The following CPAMD8 variants were observed in gnomAD, a reference collection of about 807,000 sequenced individuals.
CPAMD8 encodes the protein C3 and PZP-like alpha-2-macroglobulin domain-containing protein 8.
A neutral mutation model predicts 224.7 loss-of-function variants in CPAMD8; 146 were observed. That is an observed-to-expected ratio of 0.65 (90% CI 0.57 to 0.75). The LOEUF is 0.75. CPAMD8 is among the 30% of genes least tolerant of loss of function. The probability of loss-of-function intolerance (pLI) is 0.00; values close to 1 mark genes in which losing one functional copy is unlikely to be tolerated. For synonymous variants in CPAMD8, 966 were observed against 1,044.6 expected (o/e 0.92, Z 1.45); for missense variants, 2,301 against 2,537.5 (o/e 0.91, Z 2.00).
At chr19:17,005,158 A>G (rs1051414807) in intron 7 of CPAMD8, among the ~76,000 whole-genome samples, 1 of 146,736 alleles carries the variant, frequency 6.8e-6, no homozygotes, top group African/African-American at 2.5e-5. Context: ...TGCCCTCTAC[A>G]ATATAACAAC....
chr19:16,949,408 C>T (rs1212229461), intron 20 of CPAMD8, among the ~76,000 whole-genome samples: 1 of 152,108 alleles, frequency 6.6e-6, no homozygotes. Flanking sequence ...TTTTGGAAAC[C>T]GAGATCCTAT....
rs146822240 is a variant in CPAMD8, at chr19:16,941,865, C to T, written c.2794-3419G>A. The stretch of plus-strand genomic sequence containing the variant: ...GCAGGTGCCTGCAATCCCAGCTATT[C>T]GGGAGGCTGAGGCAGGAGACTCGCT... On this transcript the variant is annotated intron_variant, in intron 22 of 41. Transcript: ENST00000443236. Among the ~76,000 whole-genome samples the T allele has an allele frequency of 8.2e-3, 1,244 of 152,106 alleles. 6 individuals carry two copies. The highest frequency in any genetic ancestry group is 0.013 in the Non-Finnish European group (906 of 67,982).
At chr19:16,961,066 A>G (rs980223571) in intron 18 of CPAMD8, among the ~76,000 whole-genome samples, 3 of 152,122 alleles carry the variant, frequency 2.0e-5, no homozygotes, top group Non-Finnish European at 4.4e-5. Context: ...CCAAATAGGA[A>G]CAGCTCCAGT....
At chr19:16,954,050 C>T (rs1468206423) in intron 19 of CPAMD8, among the ~76,000 whole-genome samples, 2 of 152,198 alleles carry the variant, frequency 1.3e-5, no homozygotes, top group African/African-American at 4.8e-5. Flanking sequence ...CACTTGAGGT[C>T]AGGAGTCTGG....
intron 13 of CPAMD8, among the ~76,000 whole-genome samples, chr19:16,989,165 A>G (rs1250093239): frequency 1.3e-5 from 2 of 152,194 alleles, no homozygotes; most frequent in Non-Finnish European, 2.9e-5. Flanking sequence ...CAAAATAAAC[A>G]TAATGTCCTT....
At position 16,906,348 on chromosome 19, in the gene CPAMD8, TTCTTTCTTTCTTTC is replaced by T. The variant is rs1459227591; in HGVS notation, c.4027+590_4027+603del. ...TCCTTCCTTCTTTCCCTTTCTTTCT[TTCTTTCTTTCTTTC>T]TTTCTTTCTTTCTTTCTTTCTTTCT... On this transcript the variant is annotated intron_variant, in intron 30 of 41. Transcript: ENST00000443236. Among the ~76,000 whole-genome samples, 12 of 35,828 alleles carry T rather than the reference TTCTTTCTTTCTTTC, an allele frequency of 3.3e-4. 1 individual carries two copies. Among genetic ancestry groups the T allele is most frequent in the African/African-American group, 8.1e-4 (10 of 12,370 alleles). The allele number at this position is 35,828 out of a possible 152,430, so 23.5% of individuals were successfully genotyped here. A position where few individuals can be genotyped will look rare whatever the true frequency, so the allele number is the denominator to read the frequency against.
intron 27 of CPAMD8, among the ~76,000 whole-genome samples, chr19:16,917,639 G>A (rs1282584729): frequency 6.6e-6 from 1 of 152,188 alleles, no homozygotes; most frequent in African/African-American, 2.4e-5. Flanking sequence ...TGCTTGCGGG[G>A]CTGAGGCGGA....
Position 16,921,999 on chromosome 19 carries a change from C to A in CPAMD8, c.3548-13G>T, listed in dbSNP as rs375501028. Reference sequence around the variant, plus strand: ...TGGCGCTGGTAGCCTGTGGGGCAAGCAGAGAGGACCCTGTCCTGTTGAGTG... The same window carrying A: ...TGGCGCTGGTAGCCTGTGGGGCAAGAAGAGAGGACCCTGTCCTGTTGAGTG... On this transcript the variant is annotated splice_polypyrimidine_tract_variant and intron_variant, in intron 26 of 41. Transcript: ENST00000443236. 2,180 of 1,540,692 alleles carry A rather than the reference C, an allele frequency of 1.4e-3. 54 individuals carry two copies. In the South Asian group the frequency reaches 0.025, roughly 17 times the overall value.
At chr19:16,965,446 C>T (rs894314430) in intron 18 of CPAMD8, among the ~76,000 whole-genome samples, 6 of 152,110 alleles carry the variant, frequency 3.9e-5, no homozygotes, top group Non-Finnish European at 8.8e-5. Context: ...CAAGGATGCC[C>T]TCTCTCACCA....
chr19:16,980,042 C>G (rs1263557729), intron 14 of CPAMD8, among the ~76,000 whole-genome samples: 1 of 152,140 alleles, frequency 6.6e-6, no homozygotes, highest in East Asian at 1.9e-4. Context: ...GATCCACCCC[C>G]TTATATATGT....
At chr19:16,979,826 T>C (rs2055443246) in intron 14 of CPAMD8, among the ~76,000 whole-genome samples, 1 of 152,174 alleles carries the variant, frequency 6.6e-6, no homozygotes, top group Non-Finnish European at 1.5e-5. Context: ...TGCCTATCTA[T>C]CTATCCACCC....
Position 16,947,164 on chromosome 19 carries a change from C to T in CPAMD8, c.2572G>A (p.Val858Met), listed in dbSNP as rs941720758. The change falls in exon 21 of 42, where the codon GTG becomes ATG. Residue 858 changes from valine to methionine, a missense_variant. By Grantham distance (21) the Val-to-Met change is conservative. Transcript: ENST00000443236. ...GGGGCCACACACATCTTCTTGGTCA[C>T]ATGGCGTTTGCCAGGATGCCCAACA... The part of the protein sequence containing the change: ...QFVGHPGKRH[V>M]TKKMCVAPGE... 6.2e-7 allele frequency: 1 copy of T among 1,613,962 alleles called. No individual in the cohort carries two copies.
At chr19:17,021,970 G>A (rs914694139) in intron 2 of CPAMD8, 60 bp downstream of exon 2, 1 of 1,295,406 alleles carries the variant, frequency 7.7e-7, no homozygotes, top group Non-Finnish European at 1.0e-6. Flanking sequence ...CTGAAGGCCA[G>A]CAAGTGGCTC....
chr19:16,972,579 C>T (rs1439886248), intron 17 of CPAMD8, among the ~76,000 whole-genome samples: 2 of 151,818 alleles, frequency 1.3e-5, no homozygotes, highest in Non-Finnish European at 2.9e-5. Flanking sequence ...GGACTACTGG[C>T]GCCCGCCACC....
At chr19:16,972,765 G>A (rs773837049) in intron 17 of CPAMD8, among the ~76,000 whole-genome samples, 9 of 152,112 alleles carry the variant, frequency 5.9e-5, no homozygotes, top group Non-Finnish European at 1.2e-4. Flanking sequence ...CAGTTCCTTT[G>A]ACTCAAAGGC....
chr19:17,026,584 C>G lies in CPAMD8; in HGVS notation c.59G>C (p.Arg20Pro). 4 of 1,527,796 alleles carry G rather than the reference C, an allele frequency of 2.6e-6. No individual in the cohort carries two copies. In the South Asian group the frequency reaches 3.6e-5, roughly 14 times the overall value. 94.6% of individuals were successfully genotyped at this position (1,527,796 alleles called of 1,614,324 possible). ...AGGCTGCGCGGCGCGCACGCCGTCCCGCGCCGACAGCAGCAGGAGCAGGAG... is the reference window on the plus strand; with the variant it reads ...AGGCTGCGCGGCGCGCACGCCGTCCGGCGCCGACAGCAGCAGGAGCAGGAG... Reference protein sequence around the residue: ...LPLLLLLLSARDGVRAAQPQA... With the variant: ...LPLLLLLLSAPDGVRAAQPQA... The change falls in exon 1 of 42, where the codon CGG becomes CCG. Residue 20 changes from arginine to proline, a missense_variant. Arg to Pro is a moderately radical substitution (Grantham distance 103, BLOSUM62 -2). Transcript: ENST00000443236.
intron 18 of CPAMD8, among the ~76,000 whole-genome samples, chr19:16,961,722 C>T (rs561840157): frequency 6.6e-6 from 1 of 152,336 alleles, no homozygotes; most frequent in East Asian, 1.9e-4. Flanking sequence ...TCAAGTGGGT[C>T]CCTGACCCCC....
At chr19:16,924,514 T>C (rs2053288189) in intron 26 of CPAMD8, among the ~76,000 whole-genome samples, 1 of 152,150 alleles carries the variant, frequency 6.6e-6, no homozygotes, top group African/African-American at 2.4e-5. Flanking sequence ...TTCCTAGCTG[T>C]CCATGATCAG....
intron 29 of CPAMD8, among the ~76,000 whole-genome samples, chr19:16,912,174 C>A (rs1424906188): frequency 6.6e-6 from 1 of 152,072 alleles, no homozygotes; most frequent in African/African-American, 2.4e-5. Context: ...AAATGTAATG[C>A]TCTTGAATCT....
Sources: gnomAD v4.1 joint callset for allele counts (sites outside exome capture counted in the v4.1 genomes callset) on GRCh38, gnomAD v4.1.1 for gene constraint, MANE v1.5 for transcripts, NCBI Gene and HGNC (gene_info 2026-07-23, HGNC 2026-07-21) for gene names.